Variants in IFT56 observed in about 807,000 individuals in gnomAD.
IFT56 encodes intraflagellar transport protein 56.
At chr7:139,171,321 T>C in the IFT56 span, among the ~76,000 whole-genome samples, 1 of 152,126 alleles carries the variant, frequency 6.6e-6, no homozygotes, top group Non-Finnish European at 1.5e-5. Flanking sequence ...ATGATATTCT[T>C]CATAAAAATA....
At chr7:139,161,113 C>T in the IFT56 span, 2 of 1,176,132 alleles carry the variant, frequency 1.7e-6, no homozygotes, top group African/African-American at 3.1e-5. Flanking sequence ...AGGAGATGCG[C>T]CAGCAAGTAA....
the IFT56 span, among the ~76,000 whole-genome samples, chr7:139,145,838 A>G: frequency 1.3e-5 from 2 of 152,038 alleles, no homozygotes; most frequent in East Asian, 3.9e-4. Flanking sequence ...TTAAAGAAAT[A>G]TATTTTATTG....
the IFT56 span, among the ~76,000 whole-genome samples, chr7:139,185,689 A>G: frequency 6.6e-6 from 1 of 152,040 alleles, no homozygotes; most frequent in South Asian, 2.1e-4. Context: ...AGTGACACAC[A>G]GAGAGCTTTT....
chr7:139,148,130 G>C, the IFT56 span: 2 of 1,351,180 alleles, frequency 1.5e-6, no homozygotes, highest in South Asian at 2.7e-5. Flanking sequence ...TCTTTGCCTT[G>C]TCCATTTGAG....
chr7:139,168,393 G>T, the IFT56 span: 2 of 1,611,214 alleles, frequency 1.2e-6, no homozygotes, highest in Non-Finnish European at 1.7e-6. Context: ...CAGGAAATGG[G>T]TTCAGTGAGT....
chr7:139,186,731 A>AAATACTCAGTTCAAATCAC, the IFT56 span, among the ~76,000 whole-genome samples: 4 of 152,170 alleles, frequency 2.6e-5, no homozygotes, highest in Admixed American at 2.0e-4. Flanking sequence ...GAGACTTGAA[A>AAATACTCAGTTCAAATCAC]AATACTCAGT....
At chr7:139,173,665 G>C in the IFT56 span, 1 of 774,074 alleles carries the variant, frequency 1.3e-6, no homozygotes, top group East Asian at 2.4e-5. Context: ...TATAATGCAC[G>C]TTCATATTGG....
chr7:139,153,446 CA>C, the IFT56 span, among the ~76,000 whole-genome samples: 279 of 138,156 alleles, frequency 2.0e-3, no homozygotes, highest in Middle Eastern at 0.011. Context: ...TACTCCGTCT[CA>C]AAAAAAAAAA....
the IFT56 span, chr7:139,178,464 A>C: frequency 6.4e-7 from 1 of 1,550,896 alleles, no homozygotes; most frequent in East Asian, 2.2e-5. Context: ...ACTGATGGTT[A>C]TATTTTATAT....
the IFT56 span, among the ~76,000 whole-genome samples, chr7:139,176,527 T>A: frequency 2.6e-5 from 4 of 152,308 alleles, no homozygotes; most frequent in South Asian, 8.3e-4. Flanking sequence ...AAACTTCATT[T>A]TTATGATTAA....
At chr7:139,180,027 G>A in the IFT56 span, among the ~76,000 whole-genome samples, 1 of 152,218 alleles carries the variant, frequency 6.6e-6, no homozygotes, top group Admixed American at 6.5e-5. Context: ...TGTCAAAAAT[G>A]TAATTTTTTG....
chr7:139,174,031 A>T, the IFT56 span: 1 of 615,554 alleles, frequency 1.6e-6, no homozygotes, highest in South Asian at 1.4e-5. Context: ...AGGCCTTTTA[A>T]GACAGAGTCA....
chr7:139,139,911 G>A, the IFT56 span: 2 of 1,611,842 alleles, frequency 1.2e-6, no homozygotes, highest in African/African-American at 2.7e-5. Flanking sequence ...TGCTACAAAA[G>A]AGGAAAATTG....
chr7:139,189,579 G>T, the IFT56 span: 482 of 597,660 alleles, frequency 8.1e-4, 4 homozygotes, highest in South Asian at 2.1e-3. Flanking sequence ...AGACTGACTT[G>T]CTGAGACTTA....
the IFT56 span, among the ~76,000 whole-genome samples, chr7:139,182,982 T>A: frequency 6.6e-6 from 1 of 151,930 alleles, no homozygotes; most frequent in Non-Finnish European, 1.5e-5. Context: ...TCTTAAAAAA[T>A]TTGATATTAA....
At chr7:139,183,149 G>T in the IFT56 span, among the ~76,000 whole-genome samples, 1 of 152,046 alleles carries the variant, frequency 6.6e-6, no homozygotes, top group Non-Finnish European at 1.5e-5. Flanking sequence ...AGATTCAGGA[G>T]GATGGGGCAT....
chr7:139,165,275 T>C, the IFT56 span: 1 of 1,365,646 alleles, frequency 7.3e-7, no homozygotes, highest in African/African-American at 1.4e-5. Flanking sequence ...AATGAGATAT[T>C]TTAGAATAGT....
At chr7:139,149,891 CACATATAT>C in the IFT56 span, among the ~76,000 whole-genome samples, 27 of 151,762 alleles carry the variant, frequency 1.8e-4, no homozygotes, top group Non-Finnish European at 2.8e-4. Flanking sequence ...TTAACACATA[CACATATAT>C]ACATATATAA....
the IFT56 span, chr7:139,139,983 G>C: frequency 6.2e-7 from 1 of 1,609,090 alleles, no homozygotes; most frequent in Non-Finnish European, 8.5e-7. Flanking sequence ...GTATAAACAA[G>C]CTGAAGCAGC....
Sources: gnomAD v4.1 joint callset for allele counts (sites outside exome capture counted in the v4.1 genomes callset) on GRCh38, gnomAD v4.1.1 for gene constraint, MANE v1.5 for transcripts, NCBI Gene and HGNC (gene_info 2026-07-23, HGNC 2026-07-21) for gene names.